The following PLEKHA1 variants were observed in gnomAD, a reference collection of about 807,000 sequenced individuals.
PLEKHA1 encodes pleckstrin homology domain-containing family A member 1.
A neutral mutation model predicts 52.0 loss-of-function variants in PLEKHA1; 34 were observed. The ratio of observed to expected loss-of-function variants is 0.65; its 90% confidence interval spans 0.50 to 0.87. The LOEUF (loss-of-function observed/expected upper bound fraction) is 0.87, where lower values mean the gene tolerates loss of function less well. Ranked by LOEUF, PLEKHA1 falls within the 40% of genes least tolerant of loss-of-function variation. The probability of loss-of-function intolerance (pLI) is 0.00; values close to 1 mark genes in which losing one functional copy is unlikely to be tolerated. For synonymous variants in PLEKHA1, 163 were observed against 170.7 expected, an observed-to-expected ratio of 0.95 and a Z score of 0.35; for missense variants, 497 against 504.2, an observed-to-expected ratio of 0.99 and a Z score of 0.14.
chr10:122,393,181 T>G lies in PLEKHA1; in HGVS notation c.-20T>G, dbSNP rs776531359. 6.3e-7 allele frequency: 1 copy of G among 1,595,078 alleles called. No homozygotes were observed. The highest frequency in any genetic ancestry group is 8.5e-7 in the Non-Finnish European group (1 of 1,171,910). On this transcript the variant is annotated splice_region_variant and 5_prime_UTR_variant, in exon 2 of 12. Transcript: ENST00000368990. The surrounding 1 kb of genome is among the most constrained non-coding windows in gnomAD (Gnocchi z 4.5). ...TACTGTTAATATTTTTATTTTACAG[T>G]GTAATGTTCAAGCTCAGAAATGCCT...
chr10:122,421,225 G>A (rs556243322), intron 8 of PLEKHA1: 4 of 152,216 alleles, frequency 2.6e-5, no homozygotes, highest in East Asian at 1.9e-4. Flanking sequence ...AGTGGAAGAC[G>A]AAGACAGCAT....
intron 1 of PLEKHA1, chr10:122,387,235 G>A (rs1008395647): frequency 6.6e-6 from 1 of 151,862 alleles, no homozygotes; most frequent in African/African-American, 2.4e-5. Flanking sequence ...TTTTAGGGTG[G>A]AGTTTATGCC....
intron 5 of PLEKHA1, chr10:122,411,813 G>A (rs1481952909): frequency 1.3e-5 from 2 of 152,194 alleles, no homozygotes; most frequent in Non-Finnish European, 2.9e-5. Context: ...ACAGGAATTA[G>A]CTATATGACA....
rs778395067 is a variant in PLEKHA1 at position 122,424,217 on chromosome 10, G to A, written c.700G>A (p.Val234Ile). 31 of 1,542,094 alleles carry A rather than the reference G, an allele frequency of 2.0e-5. No individual in the cohort carries two copies. Among genetic ancestry groups the A allele is most frequent in the East Asian group, 1.6e-4 (7 of 44,154 alleles). ...TTGCCAGGAAAAGGAACCTCTTCGT[G>A]TAATACCACTTAAAGAGGTTCATAA... is the stretch of plus-strand genomic sequence containing the variant. ...KSELEKEPLR[V>I]IPLKEVHKVQ... The change falls in exon 9 of 12, where the codon GTA becomes ATA. Residue 234 changes from valine (V) to isoleucine (I), a missense_variant. Transcript: ENST00000368990.
At chr10:122,382,706 A>G (rs566715501) in intron 1 of PLEKHA1, among the ~76,000 whole-genome samples, 33 of 152,334 alleles carry the variant, frequency 2.2e-4, no homozygotes, top group African/African-American at 7.5e-4. Flanking sequence ...TGTATTGTAC[A>G]CAGTTTGTTC....
At chr10:122,406,921 C>T (rs1810071102) in intron 5 of PLEKHA1, among the ~76,000 whole-genome samples, 2 of 152,192 alleles carry the variant, frequency 1.3e-5, no homozygotes, top group Admixed American at 1.3e-4. Context: ...ATCTTAATCA[C>T]TTCTTGCAAC....
chr10:122,428,316 G>A, intron 11 of PLEKHA1: 1 of 1,547,250 alleles, frequency 6.5e-7, no homozygotes, highest in Non-Finnish European at 8.7e-7. Flanking sequence ...TGTATACAGA[G>A]GTATACATCA....
rs540061599 is a variant in PLEKHA1, at chr10:122,402,546, A to G, written c.244+2158A>G. On this transcript the variant is annotated intron_variant, in intron 4 of 11. Transcript: ENST00000368990. ...AGCAGAGTGGAGGAAGAGGCCAATG[A>G]AAAGCTAACCATTTAAGTGTTCTGC... 3.9e-5 allele frequency among the ~76,000 whole-genome samples: 6 copies of G among 152,342 alleles called. No homozygotes were observed. The South Asian group carries it at 1.2e-3, about 32-fold the overall frequency.
intron 11 of PLEKHA1, 54 bp downstream of exon 11, chr10:122,427,085 A>G: frequency 6.7e-7 from 1 of 1,487,294 alleles, no homozygotes; most frequent in Non-Finnish European, 9.3e-7. Context: ...CCATCCTATC[A>G]AATTTCCTCT....
intron 1 of PLEKHA1, chr10:122,387,034 G>T (rs1486244693): frequency 6.6e-6 from 1 of 152,130 alleles, no homozygotes; most frequent in African/African-American, 2.4e-5. Context: ...TGTGTAGTGT[G>T]TACTTCCTAA....
In PLEKHA1 at chr10:122,415,971, A is replaced by C; in HGVS notation, c.581A>C (p.Lys194Thr). 1 of 1,613,382 alleles carries C rather than the reference A, an allele frequency of 6.2e-7. No homozygotes were observed. Among genetic ancestry groups the C allele is most frequent in the Non-Finnish European group, 8.5e-7 (1 of 1,179,672 alleles). The change falls in exon 7 of 12, where the codon AAA (lysine) becomes ACA (threonine). Residue 194 changes from lysine to threonine, a missense_variant. Physicochemically the swap from Lys to Thr is moderately conservative, Grantham distance 78. Transcript: ENST00000368990. ...PKPPQDSAVIKAGYCVKQGAV... is the reference protein window; with the variant it reads ...PKPPQDSAVITAGYCVKQGAV... ...CCACCTCAAGATAGTGCGGTTATCA[A>C]AGCTGGATATTGTGTAAAACAAGGA...
At chr10:122,426,165 T>G (rs1400719439) in intron 10 of PLEKHA1, among the ~76,000 whole-genome samples, 2 of 152,198 alleles carry the variant, frequency 1.3e-5, no homozygotes, top group South Asian at 4.1e-4. Flanking sequence ...CCTGATTTCT[T>G]TAGGGTAAGT....
chr10:122,390,544 G>A (rs1360898349), intron 1 of PLEKHA1, among the ~76,000 whole-genome samples: 1 of 152,156 alleles, frequency 6.6e-6, no homozygotes, highest in African/African-American at 2.4e-5. Context: ...TTGAGAGGCC[G>A]AGGCAAGAGG....
intron 8 of PLEKHA1, 69 bp downstream of exon 8, chr10:122,418,037 T>C: frequency 8.1e-7 from 1 of 1,234,006 alleles, no homozygotes; most frequent in East Asian, 2.4e-5. Context: ...TGATTATATA[T>C]AATTTCTTGT....
the PLEKHA1 span, chr10:122,441,301 C>T: frequency 6.6e-6 from 1 of 152,098 alleles, no homozygotes; most frequent in Non-Finnish European, 1.5e-5. Flanking sequence ...GAGACATCGT[C>T]TCTACTAAAA....
At chr10:122,402,635 G>A (rs1438651812) in intron 4 of PLEKHA1, among the ~76,000 whole-genome samples, 1 of 152,162 alleles carries the variant, frequency 6.6e-6, no homozygotes, top group Admixed American at 6.5e-5. Flanking sequence ...GCAACAGTGA[G>A]GAAGGACCAA....
intron 10 of PLEKHA1, among the ~76,000 whole-genome samples, chr10:122,426,611 A>G (rs2292623): frequency 0.21 from 31,805 of 152,132 alleles, 4,799 homozygotes; most frequent in African/African-American, 0.42. Flanking sequence ...TTCTTGTAGC[A>G]GATTCAGACA....
intron 4 of PLEKHA1, among the ~76,000 whole-genome samples, chr10:122,404,700 T>G (rs2096981640): frequency 6.6e-6 from 1 of 152,246 alleles, no homozygotes; most frequent in South Asian, 2.1e-4. Flanking sequence ...TCTAGAAAGA[T>G]GTACAAGAAC....
In PLEKHA1 at chr10:122,427,734, TACTTTG is replaced by T. The variant is rs139525120; in HGVS notation, c.900+704_900+709del. Among the ~76,000 whole-genome samples the T allele has an allele frequency of 5.1e-3, 783 of 152,326 alleles. 7 individuals carry two copies. Among genetic ancestry groups the T allele is most frequent in the African/African-American group, 0.018 (752 of 41,568 alleles). ...ATAAGAATTAGATTTGCATTTGGAA[TACTTTG>T]GCCACTGATCTCAGGTCTGAAAATT... On this transcript the variant is annotated intron_variant, in intron 11 of 11. Coordinates refer to ENST00000368990, the MANE Select transcript of PLEKHA1 (RefSeq NM_001001974.4).
Sources: gnomAD v4.1 joint callset for allele counts (sites outside exome capture counted in the v4.1 genomes callset) on GRCh38, gnomAD v4.1.1 for gene constraint, Gnocchi (gnomAD v3.1) non-coding constraint, MANE v1.5 for transcripts, NCBI Gene and HGNC (gene_info 2026-07-23, HGNC 2026-07-21) for gene names.